MTMR12: variants seen among roughly 807,000 people sequenced by gnomAD.
MTMR12 encodes the protein myotubularin-related protein 12.
In MTMR12, 33 loss-of-function variants were observed where a neutral mutation model predicts 96.7. The observed-to-expected ratio is 0.34, with a 90% confidence interval of 0.26 to 0.46. The LOEUF (loss-of-function observed/expected upper bound fraction) is 0.46, where lower values mean the gene tolerates loss of function less well. Among genes scored for constraint, MTMR12 ranks in the 20% least tolerant of loss-of-function variants. MTMR12 has a pLI of 1.00. For missense variants in MTMR12, 721 were observed against 896.1 expected (o/e 0.80, Z 2.49); for synonymous variants, 298 against 327.2 (o/e 0.91, Z 0.96).
intron 1 of MTMR12, among the ~76,000 whole-genome samples, chr5:32,293,659 G>C (rs769426212): frequency 3.9e-5 from 6 of 152,118 alleles, no homozygotes; most frequent in Non-Finnish European, 7.4e-5. Context: ...TCCCTTCTGG[G>C]CAGGGTCCTC....
chr5:32,298,437 T>C (rs367960430), intron 1 of MTMR12, among the ~76,000 whole-genome samples: 65 of 152,260 alleles, frequency 4.3e-4, no homozygotes, highest in African/African-American at 1.4e-3. Context: ...GGACTTAACA[T>C]ACTGCCCAAA....
chr5:32,293,001 T>C (rs1425822224), intron 1 of MTMR12, among the ~76,000 whole-genome samples: 2 of 152,372 alleles, frequency 1.3e-5, no homozygotes, highest in East Asian at 1.9e-4. Flanking sequence ...CATTTAAGTA[T>C]TGTTAACTTT....
At position 32,239,182 on chromosome 5, in the gene MTMR12, G is replaced by C; in HGVS notation, c.1172-9C>G. 5 of 1,567,074 alleles carry C rather than the reference G, an allele frequency of 3.2e-6. No individual in the cohort carries two copies. The Middle Eastern group carries it at 5.2e-4, about 162-fold the overall frequency. ...GTCGGATGCATTCTCCTCTAGGAGA[G>C]GCCCCAGCAGCAGTGCAAAGAGGAA... is the stretch of plus-strand genomic sequence containing the variant. On this transcript the variant is annotated splice_polypyrimidine_tract_variant and intron_variant, in intron 12 of 15. Transcript: ENST00000382142.
At chr5:32,280,165 G>A (rs958526740) in intron 1 of MTMR12, among the ~76,000 whole-genome samples, 6 of 152,164 alleles carry the variant, frequency 3.9e-5, no homozygotes, top group Admixed American at 3.3e-4. Context: ...GGCACCTTAG[G>A]AGAGGTAGAA....
intron 12 of MTMR12, among the ~76,000 whole-genome samples, chr5:32,239,884 T>C (rs750556793): frequency 3.3e-5 from 5 of 152,138 alleles, no homozygotes; most frequent in Non-Finnish European, 7.4e-5. Flanking sequence ...CAAAACTCAT[T>C]TGATGAAAAG....
chr5:32,275,795 A>G (rs1750028194), intron 2 of MTMR12, among the ~76,000 whole-genome samples: 1 of 152,244 alleles, frequency 6.6e-6, no homozygotes, highest in African/African-American at 2.4e-5. Flanking sequence ...AAGAGGAGAT[A>G]AGGTTTAAGT....
intron 5 of MTMR12, among the ~76,000 whole-genome samples, chr5:32,269,733 T>C (rs1324006253): frequency 6.6e-6 from 1 of 152,252 alleles, no homozygotes; most frequent in Non-Finnish European, 1.5e-5. Context: ...AACTCTGACA[T>C]GTCAAAGACT....
intron 10 of MTMR12, chr5:32,247,586 C>T (rs1035138133): frequency 3.4e-6 from 1 of 295,130 alleles, no homozygotes; most frequent in Non-Finnish European, 5.0e-6. Flanking sequence ...TATTCCCAAT[C>T]AGGGGAAAAA....
In MTMR12 at chr5:32,307,700, G is replaced by T. The variant is rs188339285; in HGVS notation, c.81+5058C>A. ...TTTTAAAAGTCAGAGTTAACTACTC[G>T]TCCTCATTTTACGCTGTCCGATGCC... On this transcript the variant is annotated intron_variant, in intron 1 of 15. Transcript: ENST00000382142. Among the ~76,000 whole-genome samples the T allele has an allele frequency of 1.4e-3, 209 of 152,180 alleles. 2 individuals carry two copies. Among genetic ancestry groups the T allele is most frequent in the African/African-American group, 4.7e-3 (194 of 41,504 alleles).
At chr5:32,234,889 G>T in intron 14 of MTMR12, 73 bp downstream of exon 14, 2 of 1,372,118 alleles carry the variant, frequency 1.5e-6, no homozygotes, top group African/African-American at 2.9e-5. Flanking sequence ...TTTATTTGTA[G>T]CATCAGTATT....
intron 5 of MTMR12, among the ~76,000 whole-genome samples, chr5:32,269,476 T>G (rs1314668968): frequency 6.6e-6 from 1 of 152,084 alleles, no homozygotes; most frequent in East Asian, 1.9e-4. Flanking sequence ...GCTAATTTTT[T>G]GTATTTTTAG....
chr5:32,272,107 C>T (rs373699788), intron 3 of MTMR12, among the ~76,000 whole-genome samples: 10 of 151,882 alleles, frequency 6.6e-5, no homozygotes, highest in East Asian at 3.9e-4. Flanking sequence ...TTGCCTAACA[C>T]GGTGAAACCC....
At chr5:32,295,735 A>G (rs1750897419) in intron 1 of MTMR12, among the ~76,000 whole-genome samples, 1 of 152,242 alleles carries the variant, frequency 6.6e-6, no homozygotes, top group Non-Finnish European at 1.5e-5. Context: ...GATAAGGCCA[A>G]TGAAGCACTA....
intron 1 of MTMR12, among the ~76,000 whole-genome samples, chr5:32,306,295 G>A (rs1415559940): frequency 1.3e-5 from 2 of 152,080 alleles, no homozygotes. Flanking sequence ...CAAAAAAGAT[G>A]GGTAATAATA....
intron 1 of MTMR12, among the ~76,000 whole-genome samples, chr5:32,297,595 A>ATGCAAACT (rs1750977891): frequency 6.7e-6 from 1 of 149,880 alleles, no homozygotes; most frequent in Non-Finnish European, 1.5e-5. Context: ...GCTCATTAAG[A>ATGCAAACT]TGCAAACTAA....
chr5:32,246,986 C>A (rs1427595164), intron 10 of MTMR12, among the ~76,000 whole-genome samples: 1 of 152,020 alleles, frequency 6.6e-6, no homozygotes, highest in Admixed American at 6.6e-5. Context: ...TTTTGAAGAC[C>A]CCTTGTTCAA....
chr5:32,257,238 A>G (rs1205403577), intron 7 of MTMR12, among the ~76,000 whole-genome samples: 2 of 152,186 alleles, frequency 1.3e-5, no homozygotes, highest in African/African-American at 4.8e-5. Flanking sequence ...GGATCACTTG[A>G]GCCTCCAGGA....
intron 7 of MTMR12, among the ~76,000 whole-genome samples, chr5:32,258,902 CAA>C (rs5867141): frequency 0.03 from 2,701 of 90,530 alleles, 29 homozygotes; most frequent in Admixed American, 0.052. Context: ...TGGTCTTTCA[CAA>C]AAAAAAAAAA....
At chr5:32,237,089 A>G (rs1418358278) in intron 13 of MTMR12, among the ~76,000 whole-genome samples, 1 of 152,348 alleles carries the variant, frequency 6.6e-6, no homozygotes, top group East Asian at 1.9e-4. Flanking sequence ...GAACCTGCCA[A>G]GCCCTTACGA....
Sources: allele counts gnomAD v4.1 joint callset (sites outside exome capture counted in the v4.1 genomes callset), GRCh38; gene constraint gnomAD v4.1.1; transcripts MANE v1.5; gene names NCBI Gene and HGNC (gene_info 2026-07-23, HGNC 2026-07-21).